The following CACNA1C variants were observed in gnomAD, a reference collection of about 807,000 sequenced individuals.
CACNA1C encodes the protein voltage-dependent L-type calcium channel subunit alpha-1C.
A neutral mutation model predicts 229.0 loss-of-function variants in CACNA1C; 30 were observed. The observed-to-expected ratio is 0.13, with a 90% CI of 0.10 to 0.18. CACNA1C has a LOEUF of 0.18. Among genes scored for constraint, CACNA1C ranks in the 10% least tolerant of loss-of-function variants. CACNA1C has a pLI of 1.00. For synonymous variants in CACNA1C, 1,114 were observed against 1,132.5 expected (o/e 0.98, Z 0.33); for missense variants, 1,658 against 2,845.0 (o/e 0.58, Z 9.49).
intron 1 of CACNA1C, among the ~76,000 whole-genome samples, chr12:2,005,224 C>T (rs538858096): frequency 4.0e-5 from 6 of 151,834 alleles, no homozygotes; most frequent in African/African-American, 1.4e-4. Flanking sequence ...TTATTAATTT[C>T]ATTGAAGCTT....
chr12:2,141,436 G>A (rs907138641), intron 3 of CACNA1C, among the ~76,000 whole-genome samples: 1 of 151,246 alleles, frequency 6.6e-6, no homozygotes, highest in East Asian at 1.9e-4. Flanking sequence ...AAGGGAAGTC[G>A]GTCATGGAAA....
At chr12:2,480,478 A>G (rs1250954426) in intron 5 of CACNA1C, among the ~76,000 whole-genome samples, 2 of 152,222 alleles carry the variant, frequency 1.3e-5, no homozygotes, top group African/African-American at 2.4e-5. Context: ...TTGGCTGCCT[A>G]CAAGCTCTGT....
intron 3 of CACNA1C, among the ~76,000 whole-genome samples, chr12:2,196,618 A>G (rs984250160): frequency 3.3e-5 from 5 of 152,338 alleles, no homozygotes; most frequent in South Asian, 4.2e-4. Flanking sequence ...ATTTTTGCAA[A>G]TGGATAATGT....
At position 2,392,045 on chromosome 12, in the gene CACNA1C, G is replaced by A. The variant is rs1222098070; in HGVS notation, c.478-56931G>A. Among the ~76,000 whole-genome samples the A allele has an allele frequency of 3.3e-5, 5 of 152,132 alleles. No homozygotes were observed. The South Asian group carries it at 1.0e-3, about 32-fold the overall frequency. ...TCCTAATTCTGCCTTTTGGAACTTA[G>A]TAGAGTATATAAGCCCAATCTGCTT... is the stretch of plus-strand genomic sequence containing the variant. On this transcript the variant is annotated intron_variant, in intron 3 of 46. Transcript: ENST00000399655.
intron 31 of CACNA1C, among the ~76,000 whole-genome samples, 189 bp downstream of exon 31, chr12:2,648,696 A>G (rs937186750): frequency 6.6e-6 from 1 of 152,082 alleles, no homozygotes; most frequent in African/African-American, 2.4e-5. Flanking sequence ...CTGTTTGTGC[A>G]GTGGTGGTGT....
intron 4 of CACNA1C, among the ~76,000 whole-genome samples, chr12:2,454,683 C>A (rs2099405906): frequency 6.6e-6 from 1 of 152,180 alleles, no homozygotes; most frequent in Non-Finnish European, 1.5e-5. Context: ...TGACCTCCAA[C>A]CTCAAGGAGG....
chr12:2,695,587 T>G lies in CACNA1C; in HGVS notation c.*4388T>G, dbSNP rs1208065452. 1 of 152,154 alleles carries G rather than the reference T, an allele frequency of 6.6e-6. No individual in the cohort carries two copies. The highest frequency in any genetic ancestry group is 1.9e-4 in the East Asian group (1 of 5,178). The allele number at this position is 152,154 out of a possible 1,614,324, so 9.4% of individuals were successfully genotyped here. A position where few individuals can be genotyped will look rare whatever the true frequency, so the allele number is the denominator to read the frequency against. ...GGGGAAGACAGGAGGGAAAGAAAAG[T>G]CCTACAACTGTCAGGAATGGGGCAC... On this transcript the variant is annotated 3_prime_UTR_variant, in exon 47 of 47. Transcript: ENST00000399655.
intron 15 of CACNA1C, 36 bp downstream of exon 15, chr12:2,582,978 C>T (rs1368519946): frequency 1.4e-6 from 2 of 1,460,548 alleles, no homozygotes; most frequent in South Asian, 1.2e-5. Flanking sequence ...CCTGCGGCCC[C>T]CAGCCCCCAG....
chr12:2,046,254 C>T (rs563834886), intron 1 of CACNA1C, among the ~76,000 whole-genome samples: 1 of 152,156 alleles, frequency 6.6e-6, no homozygotes, highest in Non-Finnish European at 1.5e-5. Context: ...AAAGTGGACA[C>T]AATAGTGGAT....
intron 1 of CACNA1C, among the ~76,000 whole-genome samples, chr12:2,056,200 T>TGA (rs2054744016): frequency 8.4e-5 from 1 of 11,880 alleles, no homozygotes; most frequent in Non-Finnish European, 1.5e-4. Flanking sequence ...TGTGTGAGTG[T>TGA]GTGTGTGTGT....
At chr12:2,342,003 C>T (rs371197563) in intron 3 of CACNA1C, among the ~76,000 whole-genome samples, 26 of 152,270 alleles carry the variant, frequency 1.7e-4, no homozygotes, top group African/African-American at 4.8e-4. Context: ...CCCAACCTCA[C>T]GGGTTAAAAT....
chr12:2,124,175 C>CAACA (rs1194469949), intron 3 of CACNA1C, among the ~76,000 whole-genome samples: 1 of 148,748 alleles, frequency 6.7e-6, no homozygotes, highest in Non-Finnish European at 1.5e-5. Flanking sequence ...ACATCTATAC[C>CAACA]AACAGATAGG....
chr12:2,240,670 C>T (rs1397817807), intron 3 of CACNA1C, among the ~76,000 whole-genome samples: 3 of 152,220 alleles, frequency 2.0e-5, no homozygotes, highest in Non-Finnish European at 2.9e-5. Context: ...TGCTGCATGG[C>T]GGATGCTAAT....
At chr12:2,672,902 G>T (rs1187266124) in intron 38 of CACNA1C, among the ~76,000 whole-genome samples, 1 of 152,216 alleles carries the variant, frequency 6.6e-6, no homozygotes, top group Non-Finnish European at 1.5e-5. Context: ...CCGTGATGGG[G>T]ACTGATCATC....
chr12:2,044,265 A>T (rs756714259), intron 1 of CACNA1C, among the ~76,000 whole-genome samples: 1 of 152,160 alleles, frequency 6.6e-6, no homozygotes, highest in Non-Finnish European at 1.5e-5. Flanking sequence ...ATACGAATAC[A>T]TGACTGGAAG....
At chr12:2,444,521 C>T (rs1454256871) in intron 3 of CACNA1C, among the ~76,000 whole-genome samples, 1 of 152,072 alleles carries the variant, frequency 6.6e-6, no homozygotes, top group African/African-American at 2.4e-5. Context: ...TTAGTCTGCA[C>T]ACTCTCCTCG....
At position 2,140,029 on chromosome 12, in the gene CACNA1C, G is replaced by A. The variant is rs146566443; in HGVS notation, c.477+19599G>A. On this transcript the variant is annotated intron_variant, in intron 3 of 46. Coordinates refer to ENST00000399655, the MANE Select transcript of CACNA1C (RefSeq NM_000719.7). ...CCAAACAGGATGAGCAGCTCTTGGT[G>A]GACCAGCGGTGACCCAGGCAGCTCC... 3.0e-4 allele frequency among the ~76,000 whole-genome samples: 46 copies of A among 151,484 alleles called. 3 individuals carry two copies. Among genetic ancestry groups the A allele is most frequent in the Middle Eastern group, 3.4e-3 (1 of 294 alleles).
intron 5 of CACNA1C, among the ~76,000 whole-genome samples, chr12:2,484,909 C>CT (rs3058705): frequency 0.42 from 61,100 of 145,244 alleles, 13,147 homozygotes; most frequent in East Asian, 0.72. Context: ...TCTCTTCTTT[C>CT]TTTTTTTTTT....
At chr12:2,572,468 TC>T (rs1568499063) in intron 13 of CACNA1C, among the ~76,000 whole-genome samples, 1 of 15,302 alleles carries the variant, frequency 6.5e-5, no homozygotes, top group Non-Finnish European at 1.3e-4. Flanking sequence ...CTCCTCCTCT[TC>T]CTCCTTCTCC....
Sources: gnomAD v4.1 joint callset for allele counts (sites outside exome capture counted in the v4.1 genomes callset) on GRCh38, gnomAD v4.1.1 for gene constraint, MANE v1.5 for transcripts, NCBI Gene and HGNC (gene_info 2026-07-23, HGNC 2026-07-21) for gene names.